Variants in ALAS2 observed in about 807,000 individuals in gnomAD.
ALAS2 encodes 5-aminolevulinate synthase, erythroid-specific, mitochondrial.
In ALAS2, 3 loss-of-function variants were observed where a neutral mutation model predicts 33.7. The ratio of observed to expected loss-of-function variants is 0.09; its 90% CI spans 0.04 to 0.23. The LOEUF (loss-of-function observed/expected upper bound fraction) is 0.23. Ranked by LOEUF, ALAS2 falls within the 10% of genes least tolerant of loss-of-function variation. ALAS2 has a pLI of 1.00. For synonymous variants in ALAS2, 191 were observed against 177.3 expected, an observed-to-expected ratio of 1.08 and a Z score of -0.61; for missense variants, 304 against 475.1, an observed-to-expected ratio of 0.64 and a Z score of 3.35.
Position 55,024,744 on chromosome X carries a change from T to C in ALAS2, c.278A>G (p.Gln93Arg), listed in dbSNP as rs139496244. The C allele has an allele frequency of 2.2e-5, 27 of 1,210,365 alleles. No individual in the cohort carries two copies. The African/African-American group carries it at 3.7e-4, about 16-fold the overall frequency. The stretch of plus-strand genomic sequence containing the variant: ...TGTCTTGAAAGCCTTCACATCTTCC[T>C]GGACTTCTGGGGCTGCCTTCTGCAC... ...KIVQKAAPEV[Q>R]EDVKAFKTDL... The change falls in exon 3 of 11, where the codon CAG becomes CGG. Residue 93 changes from glutamine (Q) to arginine (R), a missense_variant. Gln to Arg is a conservative substitution (Grantham distance 43). This residue lies in a region of ALAS2 where 71 missense variants were observed against 82.8 expected (regional missense o/e 0.86). Coordinates refer to ENST00000650242, the MANE Select transcript of ALAS2 (RefSeq NM_000032.5).
chrX:55,013,837 G>C (rs900228615), intron 9 of ALAS2, among the ~76,000 whole-genome samples, 189 bp from the exon 10 acceptor site: 4 of 110,888 alleles, frequency 3.6e-5, no homozygotes, highest in African/African-American at 1.3e-4. Flanking sequence ...TAGCAATTTG[G>C]TTTGAAAAGG....
intron 9 of ALAS2, 47 bp downstream of exon 9, chrX:55,014,700 C>A: frequency 1.8e-6 from 2 of 1,105,835 alleles, no homozygotes. Context: ...CGTGAGGCTC[C>A]CAGAATAAAT....
chrX:55,027,897 A>G, intron 1 of ALAS2: 3 of 769,743 alleles, frequency 3.9e-6, no homozygotes, highest in Non-Finnish European at 6.1e-6. Flanking sequence ...GGAGGGACTA[A>G]ATGAAACAAT....
chrX:55,013,709 A>G, intron 9 of ALAS2, 61 bp from the exon 10 acceptor site: 1 of 1,159,289 alleles, frequency 8.6e-7, no homozygotes, highest in Non-Finnish European at 1.2e-6. Context: ...CACTAGCTCC[A>G]TTAAGCAGAT....
In ALAS2 at chrX:55,009,297, A is replaced by G. The variant is rs35075981; in HGVS notation, c.1647T>C (p.Asp549=). 208 of 1,202,928 alleles carry G rather than the reference A, an allele frequency of 1.7e-4. No homozygotes were observed. In the African/African-American group the frequency reaches 3.2e-3, roughly 18 times the overall value. The change falls in exon 11 of 11, where the codon GAT becomes GAC. Residue 549 remains aspartate (D), a synonymous_variant. Transcript: ENST00000650242. ...AWTAVGLPLQ[D]VSVAACNFCR... ...AGAAATTGCAGGCAGCCACAGACAC[A>G]TCCTGGAGGGGCAGCCCCACCGCAG...
chrX:55,016,776 C>A (rs1193835516), intron 7 of ALAS2, among the ~76,000 whole-genome samples: 1 of 112,025 alleles, frequency 8.9e-6, no homozygotes, highest in Admixed American at 9.5e-5. Flanking sequence ...TCATTTAATT[C>A]TACTAAAGCA....
intron 6 of ALAS2, among the ~76,000 whole-genome samples, chrX:55,019,902 C>T (rs772732432): frequency 8.9e-6 from 1 of 111,865 alleles, no homozygotes; most frequent in Non-Finnish European, 1.9e-5. Flanking sequence ...TAAGGATTCT[C>T]TGTCTGGGGC....
At chrX:55,023,191 GGTGTGT>G (rs747543670) in intron 4 of ALAS2, among the ~76,000 whole-genome samples, 15 of 98,704 alleles carry the variant, frequency 1.5e-4, no homozygotes, top group Non-Finnish European at 3.1e-4. Flanking sequence ...GAGAGCAGAG[GGTGTGT>G]GTGTGTGTGT....
At chrX:55,024,945 A>G in intron 2 of ALAS2, 105 bp from the exon 3 acceptor site, 1 of 1,048,444 alleles carries the variant, frequency 9.5e-7, no homozygotes, top group Admixed American at 2.2e-5. Context: ...ATCTCAGGCT[A>G]TTGTAGAGAC....
chrX:55,016,840 C>T (rs1470862723), intron 7 of ALAS2, among the ~76,000 whole-genome samples: 2 of 111,251 alleles, frequency 1.8e-5, no homozygotes, highest in African/African-American at 6.5e-5. Context: ...GATATTTTAC[C>T]TTTGGGAAAA....
chrX:55,017,571 G>T lies in ALAS2; in HGVS notation c.918C>A (p.Asp306Glu). ...CTAGAAGTTTCTTTAGGTGGTCAGG[G>T]TCATTGTGCCTGAAGACAAACTTGG... ...GAAKFVFRHN[D>E]PDHLKKLLEK... The change falls in exon 7 of 11, where the codon GAC becomes GAA. Residue 306 changes from aspartate to glutamate, a missense_variant. Transcript: ENST00000650242. The T allele has an allele frequency of 8.3e-7, 1 of 1,210,717 alleles. No homozygotes were observed. Among genetic ancestry groups the T allele is most frequent in the Non-Finnish European group, 1.1e-6 (1 of 894,728 alleles).
intron 3 of ALAS2, 89 bp from the exon 4 acceptor site, chrX:55,023,956 T>A (rs1244512962): frequency 1.3e-6 from 1 of 773,131 alleles, no homozygotes; most frequent in Non-Finnish European, 1.9e-6. Context: ...ATGCAACACA[T>A]GAAAATTCAA....
chrX:55,015,065 G>A lies in ALAS2; in HGVS notation c.1169-50C>T, dbSNP rs764143087. ...TACACAGATCCCATAATCAGTCCCA[G>A]AGCAACAGGATCATGTGCCAGATAA... On this transcript the variant is annotated intron_variant, in intron 8 of 10. Transcript: ENST00000650242. 3 of 1,165,951 alleles carry A rather than the reference G, an allele frequency of 2.6e-6. No homozygotes were observed. In the East Asian group the frequency reaches 9.1e-5, roughly 35 times the overall value.
chrX:55,025,919 T>G lies in ALAS2; in HGVS notation c.82A>C (p.Thr28Pro), dbSNP rs1935884176. ...PTSLLGKVVK[T>P]HQFLFGIGRC... ...CCAATACCAAACAGGAACTGGTGAG[T>G]CTTAACCACCTTGCCTAGGAGGCTT... Residue 28 changes from threonine to proline, a missense_variant, in exon 2 of 11, where the codon ACT (threonine) becomes CCT (proline). This residue lies in a region of ALAS2 where 71 missense variants were observed against 82.8 expected (regional missense o/e 0.86). Coordinates refer to ENST00000650242, the MANE Select transcript of ALAS2 (RefSeq NM_000032.5). The G allele has an allele frequency of 8.3e-7, 1 of 1,208,628 alleles. No individual in the cohort carries two copies. Among genetic ancestry groups the G allele is most frequent in the Non-Finnish European group, 1.1e-6 (1 of 894,774 alleles).
chrX:55,014,721 G>A (rs775941717), intron 9 of ALAS2, 26 bp downstream of exon 9: 2 of 1,147,073 alleles, frequency 1.7e-6, no homozygotes, highest in East Asian at 6.1e-5. Flanking sequence ...AGGTGGAGAG[G>A]GCAATGGGCA....
chrX:55,027,936 G>A, intron 1 of ALAS2: 1 of 556,696 alleles, frequency 1.8e-6, no homozygotes, highest in Admixed American at 2.6e-5. Context: ...ATAGTTTTTG[G>A]CACATAGTAA....
At position 55,020,393 on chromosome X, in the gene ALAS2, G is replaced by A. The variant is rs1935781846; in HGVS notation, c.750C>T (p.Asp250=). The A allele has an allele frequency of 8.3e-7, 1 of 1,206,542 alleles. No homozygotes were observed. Among genetic ancestry groups the A allele is most frequent in the Non-Finnish European group, 1.1e-6 (1 of 892,971 alleles). The change falls in exon 6 of 11, where the codon GAC becomes GAT. Residue 250 remains aspartate (D), a synonymous_variant. Transcript: ENST00000650242. ...AGCAGGAGGAGAAGAGCAGGGCTGA[G>A]TCCTTCTGGTGCAGCTCAGCCAGCT... ...EQELAELHQK[D]SALLFSSCFV... is the part of the protein sequence containing the mutation.
intron 10 of ALAS2, among the ~76,000 whole-genome samples, chrX:55,011,760 G>C (rs1935605401): frequency 9.0e-6 from 1 of 111,387 alleles, no homozygotes; most frequent in African/African-American, 3.3e-5. Flanking sequence ...AGAATACTGA[G>C]AGCTCTACAA....
At chrX:55,010,911 G>A (rs192393267) in intron 10 of ALAS2, among the ~76,000 whole-genome samples, 2 of 111,974 alleles carry the variant, frequency 1.8e-5, no homozygotes, top group East Asian at 5.6e-4. Context: ...CTAGTACACA[G>A]TTGGTACTCA....
Sources: allele counts gnomAD v4.1 joint callset (sites outside exome capture counted in the v4.1 genomes callset), GRCh38; gene constraint gnomAD v4.1.1; regional missense constraint gnomAD v4.1.1; transcripts MANE v1.5; gene names NCBI Gene and HGNC (gene_info 2026-07-23, HGNC 2026-07-21).